The following GLI3 variants were observed in gnomAD, a reference collection of about 807,000 sequenced individuals.
GLI3 encodes the protein GLI family zinc finger 3.
GLI3 carries 20 observed loss-of-function variants against 100.8 expected under a neutral mutation model. That is an observed-to-expected ratio of 0.20 (90% CI 0.14 to 0.29). GLI3 has a LOEUF of 0.29. Among genes scored for constraint, GLI3 ranks in the 10% least tolerant of loss-of-function variants. The probability of loss-of-function intolerance (pLI) is 1.00; values close to 1 mark genes in which losing one functional copy is unlikely to be tolerated. For synonymous variants in GLI3, 938 were observed against 860.5 expected (o/e 1.09, Z -1.58); for missense variants, 2,040 against 2,128.5 (o/e 0.96, Z 0.82).
intron 2 of GLI3, among the ~76,000 whole-genome samples, chr7:42,179,757 G>A (rs985388691): frequency 3.6e-4 from 55 of 152,068 alleles, no homozygotes; most frequent in African/African-American, 1.2e-3. Context: ...TGAGGGAGTG[G>A]GGAATATGGT....
At chr7:42,068,369 C>T (rs943406783) in intron 4 of GLI3, among the ~76,000 whole-genome samples, 1 of 152,166 alleles carries the variant, frequency 6.6e-6, no homozygotes, top group African/African-American at 2.4e-5. Flanking sequence ...CTAAAAATGG[C>T]CAAGATTGTA....
At position 41,995,236 on chromosome 7, in the gene GLI3, G is replaced by A. The variant is rs528476389; in HGVS notation, c.1498-16488C>T. ...TGTGTCCCCTGGTCCCAGGCTATAG[G>A]TATTAAGGTCCTTGCCACCCATGAT... On this transcript the variant is annotated intron_variant, in intron 10 of 14. Transcript: ENST00000395925. Among the ~76,000 whole-genome samples the A allele has an allele frequency of 7.0e-4, 107 of 152,304 alleles. 2 individuals are homozygous for A. Among genetic ancestry groups the A allele is most frequent in the African/African-American group, 2.3e-3 (96 of 41,576 alleles).
chr7:42,014,773 A>C (rs1788709756), intron 10 of GLI3, among the ~76,000 whole-genome samples: 1 of 152,182 alleles, frequency 6.6e-6, no homozygotes, highest in South Asian at 2.1e-4. Context: ...TCGGACATGC[A>C]TGAAGCGTTT....
intron 10 of GLI3, among the ~76,000 whole-genome samples, chr7:41,999,020 T>G (rs951630578): frequency 2.0e-5 from 3 of 152,198 alleles, no homozygotes; most frequent in Non-Finnish European, 4.4e-5. Context: ...TGGTATCAAG[T>G]GACTTGAGAA....
rs975085361 is a variant in GLI3 at position 42,079,624 on chromosome 7, C to T, written c.368-2767G>A. Among the ~76,000 whole-genome samples, 23 of 152,302 alleles carry T rather than the reference C, an allele frequency of 1.5e-4. No homozygotes were observed. The South Asian group carries it at 1.7e-3, about 11-fold the overall frequency. ...GGTGTGAATTCAGCATTCATAAAGT[C>T]GTACCCATCTCCTCAGGGCATCGCA... is the stretch of plus-strand genomic sequence containing the variant. On this transcript the variant is annotated intron_variant, in intron 3 of 14. Transcript: ENST00000395925.
In GLI3 at chr7:42,166,451, C is replaced by T. The variant is rs144477351; in HGVS notation, c.125-17983G>A. Among the ~76,000 whole-genome samples, 218 of 152,208 alleles carry T rather than the reference C, an allele frequency of 1.4e-3. 5 individuals carry two copies. The East Asian group carries it at 0.033, about 23-fold the overall frequency. ...TTCCAAGGGTGGCCAAAACAACAGGCATCTTTCTGATCGGGATGAGGCCCC... is the reference window on the plus strand; with the variant it reads ...TTCCAAGGGTGGCCAAAACAACAGGTATCTTTCTGATCGGGATGAGGCCCC... On this transcript the variant is annotated intron_variant, in intron 2 of 14. Coordinates refer to ENST00000395925, the MANE Select transcript of GLI3 (RefSeq NM_000168.6).
chr7:42,228,382 C>T (rs1309839409), intron 1 of GLI3, among the ~76,000 whole-genome samples: 1 of 152,206 alleles, frequency 6.6e-6, no homozygotes, highest in Non-Finnish European at 1.5e-5. Context: ...GAAAAAAGGG[C>T]TGGGGGCCAT....
At chr7:41,981,583 C>A (rs1254243928) in intron 10 of GLI3, among the ~76,000 whole-genome samples, 1 of 152,194 alleles carries the variant, frequency 6.6e-6, no homozygotes, top group Non-Finnish European at 1.5e-5. Flanking sequence ...AAAGGGAAGG[C>A]ATCTCCTGGC....
chr7:41,965,919 G>T lies in GLI3; in HGVS notation c.3154C>A (p.Pro1052Thr), dbSNP rs1787158153. ...AAGTTTCGGGACTGGCCGCCCTCGG[G>T]CCGCGTGTAATTCTGAAGCACGAGA... is the stretch of plus-strand genomic sequence containing the variant. Reference protein sequence around the residue: ...RSLVLQNYTRPEGGQSRNFHS... With the variant: ...RSLVLQNYTRTEGGQSRNFHS... Residue 1052 changes from proline to threonine, a missense_variant, in exon 15 of 15, where the codon CCC becomes ACC. By Grantham distance (38) the Pro-to-Thr change is conservative. Transcript: ENST00000395925. 1.2e-6 allele frequency: 2 copies of T among 1,613,446 alleles called. No homozygotes were observed. The highest frequency in any genetic ancestry group is 1.7e-6 in the Non-Finnish European group (2 of 1,179,946).
intron 2 of GLI3, among the ~76,000 whole-genome samples, chr7:42,211,202 A>G (rs1788266800): frequency 6.6e-6 from 1 of 152,004 alleles, no homozygotes; most frequent in Admixed American, 6.6e-5. Context: ...ATTCTTTTTA[A>G]TTGCGGAAAA....
intron 3 of GLI3, among the ~76,000 whole-genome samples, chr7:42,112,693 T>C (rs1468577073): frequency 2.0e-5 from 3 of 152,106 alleles, no homozygotes; most frequent in Non-Finnish European, 2.9e-5. Context: ...CTAATAACTA[T>C]AAGGATGCCT....
At chr7:42,021,559 G>C (rs146485554) in intron 10 of GLI3, among the ~76,000 whole-genome samples, 1 of 152,224 alleles carries the variant, frequency 6.6e-6, no homozygotes, top group East Asian at 1.9e-4. Flanking sequence ...GTTGTGAAAG[G>C]GTTAAGCTAC....
intron 10 of GLI3, among the ~76,000 whole-genome samples, chr7:42,002,514 C>A (rs575075501): frequency 6.6e-6 from 1 of 152,106 alleles, no homozygotes; most frequent in Admixed American, 6.5e-5. Context: ...GACAAAGAAA[C>A]AAGTAGAGAC....
rs1787165919 is a variant in GLI3 at position 41,966,046 on chromosome 7, C to T, written c.3027G>A (p.Val1009=). 5.0e-6 allele frequency: 8 copies of T among 1,586,690 alleles called. No homozygotes were observed. The Admixed American group carries it at 5.1e-5, about 10-fold the overall frequency. The change falls in exon 15 of 15, where the codon GTG becomes GTA. Residue 1009 remains valine, a synonymous_variant. Transcript: ENST00000395925. This position sits in a 1 kb window ranked among gnomAD's most constrained non-coding sequence, Gnocchi z 5.8. The stretch of plus-strand genomic sequence containing the variant: ...GGGCCAGGCCCTCGGAGCCTGTCCG[C>T]ACCGGGTCGCTGGCCCTCCTCACGC... ...GHGVRRASDP[V]RTGSEGLALP...
chr7:42,074,710 G>A (rs1784844800), intron 4 of GLI3, among the ~76,000 whole-genome samples: 3 of 152,184 alleles, frequency 2.0e-5, no homozygotes, highest in African/African-American at 7.2e-5. Context: ...AAACCAGGCA[G>A]TCCCAGGAGG....
intron 1 of GLI3, among the ~76,000 whole-genome samples, chr7:42,258,861 T>G (rs376640946): frequency 6.5e-4 from 99 of 152,320 alleles, no homozygotes; most frequent in African/African-American, 2.3e-3. Flanking sequence ...CATATGAATT[T>G]TGGGGGGACA....
chr7:42,164,206 T>A (rs1159097267), intron 2 of GLI3, among the ~76,000 whole-genome samples: 3 of 152,204 alleles, frequency 2.0e-5, no homozygotes, highest in Non-Finnish European at 4.4e-5. Flanking sequence ...TAGTTGTATA[T>A]TCCCGTGTTG....
chr7:42,011,582 A>C (rs975647007), intron 10 of GLI3, among the ~76,000 whole-genome samples: 7 of 152,254 alleles, frequency 4.6e-5, no homozygotes, highest in African/African-American at 1.4e-4. Context: ...GCCATAAAAA[A>C]GAACAAAGCA....
At chr7:42,261,204 C>CACACACACACAA (rs1396569329) in intron 1 of GLI3, among the ~76,000 whole-genome samples, 6 of 150,830 alleles carry the variant, frequency 4.0e-5, no homozygotes, top group Non-Finnish European at 8.9e-5. Context: ...CACACAAACA[C>CACACACACACAA]ACACACACAC....
Sources: allele counts gnomAD v4.1 joint callset (sites outside exome capture counted in the v4.1 genomes callset), GRCh38; gene constraint gnomAD v4.1.1; non-coding constraint Gnocchi (gnomAD v3.1); transcripts MANE v1.5; gene names NCBI Gene and HGNC (gene_info 2026-07-23, HGNC 2026-07-21).